The following SNAPC1 variants were observed in gnomAD, a reference collection of about 807,000 sequenced individuals.
The protein encoded by SNAPC1 is small nuclear RNA activating complex polypeptide 1, also known as snRNA-activating protein complex subunit 1.
Under a neutral mutation model 50.1 loss-of-function variants are expected in SNAPC1, and 42 were observed. The ratio of observed to expected loss-of-function variants is 0.84; its 90% CI spans 0.65 to 1.08. The LOEUF (loss-of-function observed/expected upper bound fraction) is 1.08, where lower values mean the gene tolerates loss of function less well. Ranked by LOEUF, SNAPC1 falls within the 50% of genes least tolerant of loss-of-function variation. The probability of loss-of-function intolerance (pLI) is 0.00; values close to 1 mark genes in which losing one functional copy is unlikely to be tolerated. For synonymous variants in SNAPC1, 164 were observed against 144.2 expected, an observed-to-expected ratio of 1.14 and a Z score of -0.98; for missense variants, 477 against 427.3, an observed-to-expected ratio of 1.12 and a Z score of -1.02.
intron 1 of SNAPC1, among the ~76,000 whole-genome samples, chr14:61,765,636 G>A (rs895177034): frequency 2.0e-5 from 3 of 152,152 alleles, no homozygotes; most frequent in East Asian, 3.8e-4. Flanking sequence ...TCAGTGAGCC[G>A]AGAAGTCACT....
rs566253454 is a variant in SNAPC1 at position 61,765,221 on chromosome 14, A to G, written c.129-1655A>G. Among the ~76,000 whole-genome samples, 3 of 152,354 alleles carry G rather than the reference A, an allele frequency of 2.0e-5. No homozygotes were observed. The South Asian group carries it at 6.2e-4, about 32-fold the overall frequency. ...TTAAAATTTTTTGTTAACTTAGCACAGCAGAACAGTTTCAGATAGTTTATT... is the reference window on the plus strand; with the variant it reads ...TTAAAATTTTTTGTTAACTTAGCACGGCAGAACAGTTTCAGATAGTTTATT... On this transcript the variant is annotated intron_variant, in intron 1 of 9. Coordinates refer to ENST00000216294, the MANE Select transcript of SNAPC1 (RefSeq NM_003082.4).
intron 1 of SNAPC1, among the ~76,000 whole-genome samples, chr14:61,765,906 G>GAAA (rs2044944691): frequency 6.6e-6 from 1 of 152,160 alleles, no homozygotes; most frequent in Non-Finnish European, 1.5e-5. Flanking sequence ...GGGTTACTTT[G>GAAA]TGCTGTTTCT....
At chr14:61,787,574 T>C in intron 8 of SNAPC1, among the ~76,000 whole-genome samples, 1 of 152,126 alleles carries the variant, frequency 6.6e-6, no homozygotes, top group East Asian at 1.9e-4. Context: ...AAATCGGAAG[T>C]GAGGTACAGA....
intron 1 of SNAPC1, among the ~76,000 whole-genome samples, chr14:61,764,259 TAAA>T (rs1379984925): frequency 1.3e-5 from 2 of 152,234 alleles, no homozygotes; most frequent in Non-Finnish European, 2.9e-5. Flanking sequence ...CATATAATAT[TAAA>T]AAGGCGAAAT....
At chr14:61,774,717 G>A (rs2045022244) in intron 4 of SNAPC1, among the ~76,000 whole-genome samples, 1 of 138,080 alleles carries the variant, frequency 7.2e-6, no homozygotes, top group South Asian at 2.2e-4. Context: ...AGGCTGGAGT[G>A]CAATGGTGCG....
At chr14:61,780,737 C>T (rs898468466) in intron 7 of SNAPC1, among the ~76,000 whole-genome samples, 3 of 151,982 alleles carry the variant, frequency 2.0e-5, no homozygotes, top group African/African-American at 7.3e-5. Context: ...ATCAGGTGGT[C>T]GTAGGTGTGT....
Position 61,765,298 on chromosome 14 carries a change from G to A in SNAPC1, c.129-1578G>A, listed in dbSNP as rs2044938800. On this transcript the variant is annotated intron_variant, in intron 1 of 9. Coordinates refer to ENST00000216294, the MANE Select transcript of SNAPC1 (RefSeq NM_003082.4). ...ATATATGTGAACCTCGAAAATTTGA[G>A]ACACGTCTCAGTTAATTTAGAAAGG... is the stretch of plus-strand genomic sequence containing the variant. Among the ~76,000 whole-genome samples, 8 of 152,146 alleles carry A rather than the reference G, an allele frequency of 5.3e-5. No individual in the cohort carries two copies. The South Asian group carries it at 1.7e-3, about 32-fold the overall frequency.
At chr14:61,768,244 CA>C (rs1286070698) in intron 3 of SNAPC1, among the ~76,000 whole-genome samples, 1 of 152,154 alleles carries the variant, frequency 6.6e-6, no homozygotes, top group Non-Finnish European at 1.5e-5. Flanking sequence ...GCTCATGTCT[CA>C]AACATCAGAG....
At chr14:61,775,513 C>G (rs999451026) in intron 4 of SNAPC1, among the ~76,000 whole-genome samples, 1 of 152,120 alleles carries the variant, frequency 6.6e-6, no homozygotes, top group Non-Finnish European at 1.5e-5. Flanking sequence ...CTTGGCCTCC[C>G]AAAGTGCTGG....
chr14:61,765,266 A>G (rs1259013296), intron 1 of SNAPC1, among the ~76,000 whole-genome samples: 2 of 152,152 alleles, frequency 1.3e-5, no homozygotes, highest in Non-Finnish European at 2.9e-5. Flanking sequence ...GTTTATATCC[A>G]CAGAAAATAT....
rs1594655059 is a variant in SNAPC1, at chr14:61,795,124, C to T, written c.*141C>T. On this transcript the variant is annotated 3_prime_UTR_variant, in exon 10 of 10. Transcript: ENST00000216294. ...AGGTTATTTCTTGGAAATTGCAATA[C>T]GTAGTTCTAGAATAAAAGTACAAAA... 1.8e-5 allele frequency: 10 copies of T among 556,080 alleles called. No individual in the cohort carries two copies. The highest frequency in any genetic ancestry group is 5.9e-5 in the African/African-American group (3 of 51,226). The allele number at this position is 556,080 out of a possible 1,614,324, so 34.4% of individuals were successfully genotyped here.
intron 9 of SNAPC1, 54 bp from the exon 10 acceptor site, chr14:61,794,882 GTTGTTTTTTTTGT>G: frequency 1.3e-5 from 14 of 1,077,800 alleles, no homozygotes; most frequent in Non-Finnish European, 1.8e-5. Context: ...GTAAGTGTCA[GTTGTTTTTTTTGT>G]TTGTTTTTTT....
At chr14:61,763,765 T>C (rs1344018897) in intron 1 of SNAPC1, among the ~76,000 whole-genome samples, 1 of 152,190 alleles carries the variant, frequency 6.6e-6, no homozygotes, top group African/African-American at 2.4e-5. Flanking sequence ...GCATAGGTTA[T>C]GGAACCCAAT....
chr14:61,795,056 C>A lies in SNAPC1; in HGVS notation c.*73C>A. The A allele has an allele frequency of 2.1e-6, 2 of 948,220 alleles. No homozygotes were observed. Among genetic ancestry groups the A allele is most frequent in the Non-Finnish European group, 3.2e-6 (2 of 625,904 alleles). The allele number at this position is 948,220 out of a possible 1,614,324, so 58.7% of individuals were successfully genotyped here. A position where few individuals can be genotyped will look rare whatever the true frequency, so the allele number is the denominator to read the frequency against. On this transcript the variant is annotated 3_prime_UTR_variant, in exon 10 of 10. Coordinates refer to ENST00000216294, the MANE Select transcript of SNAPC1 (RefSeq NM_003082.4). ...AAAGATTGATATTTTGTGTATTGAA[C>A]AGGAAGACTGCCAGTATTAAAAAAA...
At chr14:61,777,297 A>G (rs2045041458) in intron 5 of SNAPC1, among the ~76,000 whole-genome samples, 1 of 152,370 alleles carries the variant, frequency 6.6e-6, no homozygotes, top group African/African-American at 2.4e-5. Context: ...AGCAAGTTCT[A>G]GAATGTTTGG....
In SNAPC1 at chr14:61,762,582, T is replaced by C. The variant is rs1264518896; in HGVS notation, c.122T>C (p.Ile41Thr). 1 of 1,613,352 alleles carries C rather than the reference T, an allele frequency of 6.2e-7. No individual in the cohort carries two copies. The highest frequency in any genetic ancestry group is 8.5e-7 in the Non-Finnish European group (1 of 1,179,642). ...TGGAGAAACATGAAGTTCGGGACTA[T>C]CTTCTGGTGGGTGTTTCTTGTCCAC... ...ELWRNMKFGT[I>T]FCGRMRNLEK... Residue 41 changes from isoleucine (I) to threonine (T), a missense_variant, in exon 1 of 10, where the codon ATC (isoleucine) becomes ACC (threonine). Ile to Thr is a moderately conservative substitution (Grantham distance 89, BLOSUM62 -1). Transcript: ENST00000216294.
chr14:61,766,493 C>T (rs986053752), intron 1 of SNAPC1, among the ~76,000 whole-genome samples: 2 of 152,210 alleles, frequency 1.3e-5, no homozygotes, highest in Non-Finnish European at 2.9e-5. Context: ...ATAAAATTTA[C>T]GTTCAAGTGA....
intron 8 of SNAPC1, among the ~76,000 whole-genome samples, chr14:61,789,339 G>C (rs1420815547): frequency 6.6e-6 from 1 of 151,782 alleles, no homozygotes; most frequent in East Asian, 1.9e-4. Flanking sequence ...TAGTGAAAAG[G>C]CTTTTTAAAA....
intron 7 of SNAPC1, among the ~76,000 whole-genome samples, chr14:61,779,525 A>T (rs1189331324): frequency 6.6e-6 from 1 of 151,700 alleles, no homozygotes; most frequent in Non-Finnish European, 1.5e-5. Context: ...ATATTTTTTC[A>T]TTACCAGTAA....
Sources: gnomAD v4.1 joint callset for allele counts (sites outside exome capture counted in the v4.1 genomes callset) on GRCh38, gnomAD v4.1.1 for gene constraint, MANE v1.5 for transcripts, NCBI Gene and HGNC (gene_info 2026-07-23, HGNC 2026-07-21) for gene names.